Variants in MTR observed in about 807,000 individuals in gnomAD.
MTR encodes the protein methionine synthase.
MTR carries 84 observed loss-of-function variants against 154.8 expected under a neutral mutation model. That is an observed-to-expected ratio of 0.54 (90% CI 0.45 to 0.65). The LOEUF (loss-of-function observed/expected upper bound fraction) is 0.65. Ranked by LOEUF, MTR falls within the 30% of genes least tolerant of loss-of-function variation. MTR has a pLI of 0.00. For synonymous variants in MTR, 554 were observed against 553.9 expected, an observed-to-expected ratio of 1.00 and a Z score of 0.00; for missense variants, 1,275 against 1,570.2, an observed-to-expected ratio of 0.81 and a Z score of 3.18.
chr1:236,874,994 T>C, intron 24 of MTR, 148 bp downstream of exon 24: 1 of 954,624 alleles, frequency 1.0e-6, no homozygotes, highest in Non-Finnish European at 1.6e-6. Flanking sequence ...TTTCTGGTGT[T>C]CACTTGGGTG....
intron 15 of MTR, among the ~76,000 whole-genome samples, chr1:236,841,262 C>G (rs1167423779): frequency 2.0e-5 from 3 of 152,170 alleles, no homozygotes; most frequent in Non-Finnish European, 4.4e-5. Flanking sequence ...TTCATTTTAG[C>G]TATAATCGTT....
chr1:236,839,731 T>C (rs978843182), intron 15 of MTR, among the ~76,000 whole-genome samples: 2 of 152,214 alleles, frequency 1.3e-5, no homozygotes, highest in Non-Finnish European at 2.9e-5. Flanking sequence ...TAAGGTTGAG[T>C]GTATAAGGAT....
rs139788817 is a variant in MTR at position 236,820,078 on chromosome 1, T to C, written c.764+3535T>C. The C allele has an allele frequency of 3.4e-3, 2,601 of 775,226 alleles. 11 individuals carry two copies. Among genetic ancestry groups the C allele is most frequent in the Non-Finnish European group, 3.3e-3 (1,431 of 427,636 alleles). 48.0% of individuals were successfully genotyped at this position (775,226 alleles called of 1,614,324 possible). ...TGTTAACCTGCCTACCATTGCGCTG[T>C]GTAACACAGATTCCCCTCTGCGCTA... On this transcript the variant is annotated intron_variant, in intron 8 of 32. Coordinates refer to ENST00000366577, the MANE Select transcript of MTR (RefSeq NM_000254.3).
chr1:236,872,143 T>C (rs916561372), intron 22 of MTR, among the ~76,000 whole-genome samples: 1 of 152,252 alleles, frequency 6.6e-6, no homozygotes, highest in African/African-American at 2.4e-5. Flanking sequence ...AGGTACTCTG[T>C]AAATTTAAAA....
intron 18 of MTR, among the ~76,000 whole-genome samples, chr1:236,859,394 A>G (rs922673839): frequency 6.6e-6 from 1 of 152,238 alleles, no homozygotes; most frequent in Non-Finnish European, 1.5e-5. Context: ...CCTTGAGAGC[A>G]TAGTCTGTGT....
chr1:236,825,587 A>G (rs974046030), intron 10 of MTR, among the ~76,000 whole-genome samples, 188 bp downstream of exon 10: 14 of 152,196 alleles, frequency 9.2e-5, no homozygotes, highest in Non-Finnish European at 2.1e-4. Flanking sequence ...CCTTATCCTC[A>G]GCTGGCACTA....
intron 16 of MTR, 110 bp downstream of exon 16, chr1:236,850,633 CTTAG>C (rs1199281479): frequency 1.6e-5 from 17 of 1,064,788 alleles, no homozygotes; most frequent in East Asian, 5.0e-5. Flanking sequence ...TGTTAACATT[CTTAG>C]TTAGTAAATT....
intron 8 of MTR, among the ~76,000 whole-genome samples, chr1:236,822,253 A>G (rs1294149262): frequency 6.6e-6 from 1 of 150,426 alleles, no homozygotes; most frequent in Non-Finnish European, 1.5e-5. Flanking sequence ...TTTTTCATAT[A>G]GATCCAAATA....
At chr1:236,798,638 T>C (rs572172321) in intron 1 of MTR, among the ~76,000 whole-genome samples, 1 of 152,346 alleles carries the variant, frequency 6.6e-6, no homozygotes, top group East Asian at 1.9e-4. Context: ...CATAAAAATA[T>C]TTCTGAAATA....
rs1369167186 is a variant in MTR at position 236,895,557 on chromosome 1, G to T, written c.3598+7G>T. Reference sequence around the variant, plus strand: ...GACATCGAGCAGTCTACAGGTAGGAGCCAGGAGGCTGCGGGTTCCTGTCTT... The same window carrying T: ...GACATCGAGCAGTCTACAGGTAGGATCCAGGAGGCTGCGGGTTCCTGTCTT... On this transcript the variant is annotated splice_region_variant and intron_variant, in intron 31 of 32. Transcript: ENST00000366577. The T allele has an allele frequency of 1.9e-6, 3 of 1,562,484 alleles. No individual in the cohort carries two copies. The highest frequency in any genetic ancestry group is 2.4e-5 in the South Asian group (2 of 84,858).
At chr1:236,853,974 A>G (rs906231676) in intron 18 of MTR, among the ~76,000 whole-genome samples, 1 of 152,236 alleles carries the variant, frequency 6.6e-6, no homozygotes, top group Non-Finnish European at 1.5e-5. Context: ...AATCTGTTTA[A>G]GAGAATGATG....
chr1:236,887,628 G>T (rs1666088977), intron 27 of MTR, among the ~76,000 whole-genome samples: 1 of 152,242 alleles, frequency 6.6e-6, no homozygotes, highest in Non-Finnish European at 1.5e-5. Flanking sequence ...ACCTGGCAGC[G>T]GTTGGGATGC....
In MTR at chr1:236,829,282, A is replaced by T. The variant is rs776243564; in HGVS notation, c.1075+14A>T. ...TGTTACTGTCTGGTGAGTCATAAAG[A>T]CCTGGTATTCCTGATTGCAGAAACC... On this transcript the variant is annotated intron_variant, in intron 12 of 32. Transcript: ENST00000366577. 3 of 1,604,184 alleles carry T rather than the reference A, an allele frequency of 1.9e-6. No homozygotes were observed. The Admixed American group carries it at 5.0e-5, about 27-fold the overall frequency.
At chr1:236,808,594 C>T in intron 3 of MTR, 110 bp from the exon 4 acceptor site, 2 of 1,056,414 alleles carry the variant, frequency 1.9e-6, no homozygotes, top group Non-Finnish European at 2.9e-6. Context: ...CAGATTAATT[C>T]ACTCTACATT....
Position 236,795,455 on chromosome 1 carries a change from C to T in MTR, c.-249C>T, listed in dbSNP as rs886046214. ...CTGCTAGGCCGACACCAAGGACTGGCCGGGTACCCGGGAAGAAAGCACGTG... is the reference window on the plus strand; with the variant it reads ...CTGCTAGGCCGACACCAAGGACTGGTCGGGTACCCGGGAAGAAAGCACGTG... On this transcript the variant is annotated 5_prime_UTR_variant, in exon 1 of 33. Transcript: ENST00000366577. 1.8e-5 allele frequency: 27 copies of T among 1,496,954 alleles called. No individual in the cohort carries two copies. The highest frequency in any genetic ancestry group is 2.3e-5 in the Non-Finnish European group (26 of 1,121,554). 92.7% of individuals were successfully genotyped at this position (1,496,954 alleles called of 1,614,324 possible). A position where few individuals can be genotyped will look rare whatever the true frequency, so the allele number is the denominator to read the frequency against.
At chr1:236,873,865 A>T (rs1051119281) in intron 23 of MTR, 25 bp downstream of exon 23, 1 of 1,603,306 alleles carries the variant, frequency 6.2e-7, no homozygotes, top group Non-Finnish European at 8.5e-7. Context: ...TACTTTGGGC[A>T]TTTCTCTAAA....
At position 236,902,057 on chromosome 1, in the gene MTR, A is replaced by T. The variant is rs1666939392; in HGVS notation, c.*4413A>T. ...GGTTCCCACCTCCTAGAGCTGGAAG[A>T]GTGGGCTCTCTGATTCTTTACACCC... On this transcript the variant is annotated 3_prime_UTR_variant, in exon 33 of 33. Transcript: ENST00000366577. The T allele has an allele frequency of 6.6e-6, 1 of 152,336 alleles. No homozygotes were observed. The highest frequency in any genetic ancestry group is 1.5e-5 in the Non-Finnish European group (1 of 68,248). 9.4% of individuals were successfully genotyped at this position (152,336 alleles called of 1,614,324 possible).
chr1:236,894,120 A>C (rs1419131339), intron 29 of MTR, among the ~76,000 whole-genome samples: 1 of 152,150 alleles, frequency 6.6e-6, no homozygotes, highest in Non-Finnish European at 1.5e-5. Flanking sequence ...ACGTCATGTC[A>C]TACATTTTTT....
intron 7 of MTR, 108 bp downstream of exon 7, chr1:236,815,771 C>A: frequency 9.3e-7 from 1 of 1,080,534 alleles, no homozygotes; most frequent in Non-Finnish European, 1.4e-6. Context: ...ATCTTTAGAA[C>A]TCATCTACTT....
Sources: gnomAD v4.1 joint callset for allele counts (sites outside exome capture counted in the v4.1 genomes callset) on GRCh38, gnomAD v4.1.1 for gene constraint, MANE v1.5 for transcripts, NCBI Gene and HGNC (gene_info 2026-07-23, HGNC 2026-07-21) for gene names.